Variants in NLRP11 observed in about 807,000 individuals in gnomAD.
The protein encoded by NLRP11 is NACHT, LRR and PYD domains-containing protein 11.
NLRP11 carries 53 observed loss-of-function variants against 79.3 expected under a neutral mutation model. The ratio of observed to expected loss-of-function variants is 0.67; its 90% confidence interval spans 0.54 to 0.84. The LOEUF (loss-of-function observed/expected upper bound fraction) is 0.84. Ranked by LOEUF, NLRP11 falls within the 40% of genes least tolerant of loss-of-function variation. The pLI, the probability that NLRP11 is intolerant of heterozygous loss-of-function variation, is 0.00. For missense variants in NLRP11, 1,264 were observed against 1,255.0 expected, an observed-to-expected ratio of 1.01 and a Z score of -0.11; for synonymous variants, 518 against 462.6, an observed-to-expected ratio of 1.12 and a Z score of -1.54.
At chr19:55,808,103 T>C (rs532465618) in intron 3 of NLRP11, 89 bp from the exon 4 acceptor site, 330 of 881,464 alleles carry the variant, frequency 3.7e-4, no homozygotes, top group Non-Finnish European at 4.9e-4. Context: ...GTTTTGAGAG[T>C]GCCTGTTGTC....
At chr19:55,835,016 C>G (rs1370787231), upstream of NLRP11, among the ~76,000 whole-genome samples, 1 of 152,190 alleles carries the variant, frequency 6.6e-6, no homozygotes, top group Non-Finnish European at 1.5e-5. Context: ...CGGGCATGCT[C>G]TTATGGGTAC....
intron 2 of NLRP11, among the ~76,000 whole-genome samples, chr19:55,811,909 A>G (rs1455197514): frequency 6.6e-6 from 1 of 151,466 alleles, no homozygotes; most frequent in Admixed American, 6.6e-5. Flanking sequence ...TATTCTCCCA[A>G]TCCAGGAGTC....
intron 3 of NLRP11, among the ~76,000 whole-genome samples, 165 bp from the exon 4 acceptor site, chr19:55,808,179 G>T (rs529885719): frequency 5.9e-5 from 9 of 152,320 alleles, no homozygotes; most frequent in Admixed American, 1.3e-4. Flanking sequence ...ACAACACTCA[G>T]ATCCATTAAA....
intron 1 of NLRP11, among the ~76,000 whole-genome samples, chr19:55,821,751 CCCATTAACAT>C (rs1981762091): frequency 1.3e-5 from 2 of 149,042 alleles, no homozygotes; most frequent in Non-Finnish European, 3.0e-5. Flanking sequence ...GATGGGAGAA[CCCATTAACAT>C]TGTTAGTGAT....
intron 1 of NLRP11, among the ~76,000 whole-genome samples, chr19:55,829,603 G>A (rs900651433): frequency 1.1e-4 from 16 of 147,956 alleles, no homozygotes; most frequent in Non-Finnish European, 2.1e-4. Flanking sequence ...AGAAGTGGAG[G>A]TTGCAGTGAG....
In NLRP11 at chr19:55,824,090, G is replaced by T. The variant is rs1247836158; in HGVS notation, c.-62-5854C>A. Among the ~76,000 whole-genome samples, 84 of 113,674 alleles carry T rather than the reference G, an allele frequency of 7.4e-4. 5 individuals are homozygous for T. In the South Asian group the frequency reaches 0.021, roughly 28 times the overall value. 74.6% of individuals were successfully genotyped at this position (113,674 alleles called of 152,430 possible). ...TCGGCAGAAACCCTACAAGCCAGAA[G>T]AGAGTGGGGGCCAATATTCAACATT... On this transcript the variant is annotated intron_variant, in intron 1 of 9. Transcript: ENST00000589093.
intron 1 of NLRP11, among the ~76,000 whole-genome samples, chr19:55,828,833 C>T (rs1044273683): frequency 2.6e-5 from 4 of 152,072 alleles, no homozygotes; most frequent in African/African-American, 4.8e-5. Flanking sequence ...CTTTACGTGT[C>T]GTGACTCTGG....
At chr19:55,791,477 G>C (rs1290842631) in intron 7 of NLRP11, among the ~76,000 whole-genome samples, 1 of 152,142 alleles carries the variant, frequency 6.6e-6, no homozygotes, top group Non-Finnish European at 1.5e-5. Flanking sequence ...ATACCATACT[G>C]CTGAGCATAT....
chr19:55,822,980 A>G (rs1320933231), intron 1 of NLRP11, among the ~76,000 whole-genome samples: 1 of 151,906 alleles, frequency 6.6e-6, no homozygotes, highest in Non-Finnish European at 1.5e-5. Flanking sequence ...AAACAAAAAG[A>G]CAGCAGTAAC....
In NLRP11 at chr19:55,789,705, T is replaced by C. The variant is rs184493904; in HGVS notation, c.2514-306A>G. ...AGCCACATACATTCAACCTACACCGTTGCAATACTGAGCTTGGATTCTGAA... is the reference window on the plus strand; with the variant it reads ...AGCCACATACATTCAACCTACACCGCTGCAATACTGAGCTTGGATTCTGAA... On this transcript the variant is annotated intron_variant, in intron 7 of 9. Coordinates refer to ENST00000589093, the Ensembl canonical transcript of NLRP11. Among the ~76,000 whole-genome samples the C allele has an allele frequency of 2.7e-3, 404 of 152,354 alleles. 4 individuals carry two copies. The highest frequency in any genetic ancestry group is 9.4e-3 in the African/African-American group (392 of 41,588).
intron 2 of NLRP11, among the ~76,000 whole-genome samples, chr19:55,816,745 C>T (rs1268786930): frequency 6.6e-6 from 1 of 152,202 alleles, no homozygotes; most frequent in Non-Finnish European, 1.5e-5. Flanking sequence ...GGACAGAGCT[C>T]TCTGCTGGGA....
chr19:55,806,669 T>C (rs1980023681), intron 4 of NLRP11, among the ~76,000 whole-genome samples: 1 of 152,166 alleles, frequency 6.6e-6, no homozygotes, highest in South Asian at 2.1e-4. Flanking sequence ...AAATGCAAGC[T>C]AAATTATGGC....
At chr19:55,796,745 G>T (rs1369466782) in intron 5 of NLRP11, among the ~76,000 whole-genome samples, 1 of 150,946 alleles carries the variant, frequency 6.6e-6, no homozygotes, top group Non-Finnish European at 1.5e-5. Flanking sequence ...GGAGTGCAAT[G>T]GTGCGATCTC....
At chr19:55,788,889 G>A in exon 9 of NLRP11, 1 of 1,613,750 alleles carries the variant, frequency 6.2e-7, no homozygotes, top group Non-Finnish European at 8.5e-7. Flanking sequence ...TGATTTTGAA[G>A]CAAGTTGAGT....
Position 55,786,154 on chromosome 19 carries a change from A to G in NLRP11, c.2856-283T>C, listed in dbSNP as rs189475985. On this transcript the variant is annotated intron_variant, in intron 9 of 9. Transcript: ENST00000589093. ...GCTCAATGCTTTACATGCATCTCAC[A>G]TTACATCCTCACAATGGGTAATGGC... is the stretch of plus-strand genomic sequence containing the variant. 9.8e-4 allele frequency among the ~76,000 whole-genome samples: 150 copies of G among 152,360 alleles called. 1 individual carries two copies. Among genetic ancestry groups the G allele is most frequent in the Non-Finnish European group, 4.4e-4 (30 of 68,036 alleles).
exon 10 of NLRP11, chr19:55,785,674 A>G: frequency 6.2e-7 from 1 of 1,614,126 alleles, no homozygotes; most frequent in Non-Finnish European, 8.5e-7. Flanking sequence ...GGCTGCAGAC[A>G]TTCTGGGAAA....
In NLRP11 at chr19:55,809,353, A is replaced by C; in HGVS notation, c.1257T>G (p.Cys419Trp). The C allele has an allele frequency of 6.2e-7, 1 of 1,614,122 alleles. No homozygotes were observed. The highest frequency in any genetic ancestry group is 8.5e-7 in the Non-Finnish European group (1 of 1,180,006). ...AGACATCAGCCTCAGTAAACCCAAC[A>C]CATCTGAGGTCTTCACCACTGAAAT... The change falls in exon 3 of 10, where the codon TGT becomes TGG. Residue 419 changes from cysteine to tryptophan, a missense_variant. Transcript: ENST00000589093. This position sits in a 1 kb window ranked among gnomAD's most constrained non-coding sequence, Gnocchi z 4.5.
At chr19:55,827,858 C>T (rs1032965714) in intron 1 of NLRP11, among the ~76,000 whole-genome samples, 5 of 151,004 alleles carry the variant, frequency 3.3e-5, no homozygotes, top group South Asian at 2.1e-4. Flanking sequence ...GTCAGTGTGG[C>T]GATTCCTCAG....
intron 2 of NLRP11, among the ~76,000 whole-genome samples, chr19:55,817,364 A>G (rs1389809588): frequency 6.6e-6 from 1 of 152,136 alleles, no homozygotes; most frequent in African/African-American, 2.4e-5. Context: ...ACAAAAACAC[A>G]TGCACACACA....
Sources: allele counts gnomAD v4.1 joint callset (sites outside exome capture counted in the v4.1 genomes callset), GRCh38; gene constraint gnomAD v4.1.1; non-coding constraint Gnocchi (gnomAD v3.1); transcripts MANE v1.5; gene names NCBI Gene and HGNC (gene_info 2026-07-23, HGNC 2026-07-21).